The following MICOS13 variants were observed in gnomAD, a reference collection of about 807,000 sequenced individuals.
The protein encoded by MICOS13 is MICOS complex subunit MIC13.
Under a neutral mutation model 16.1 loss-of-function variants are expected in MICOS13, and 15 were observed. The ratio of observed to expected loss-of-function variants is 0.93; its 90% CI spans 0.62 to 1.44. MICOS13 has a LOEUF of 1.44. Ranked by LOEUF, MICOS13 falls within the 40% of genes most tolerant of loss-of-function variation. The probability of loss-of-function intolerance (pLI) is 0.00; values close to 1 mark genes in which losing one functional copy is unlikely to be tolerated. For synonymous variants in MICOS13, 61 were observed against 62.6 expected (o/e 0.97, Z 0.12); for missense variants, 164 against 155.0 (o/e 1.06, Z -0.31).
At position 5,679,705 on chromosome 19, in the gene MICOS13, G is replaced by GCTC; in HGVS notation, c.85_87dup (p.Glu29dup). The GCTC allele has an allele frequency of 1.9e-6, 3 of 1,609,894 alleles. No individual in the cohort carries two copies. The highest frequency in any genetic ancestry group is 2.5e-6 in the Non-Finnish European group (3 of 1,179,188). ...TGGCTCTTGTCGCTGGGCCCCAGCA[G>GCTC]CTCCTGGTCGTACACCAGGTAGACG... On this transcript the variant is annotated inframe_insertion, in exon 2 of 4. Coordinates refer to ENST00000309324, the MANE Select transcript of MICOS13 (RefSeq NM_205767.3).
At chr19:5,678,713 G>A in intron 3 of MICOS13, 65 bp from the exon 4 acceptor site, 1 of 980,408 alleles carries the variant, frequency 1.0e-6, no homozygotes. Context: ...CCAACCCCTG[G>A]GAAACTCTAG....
At chr19:5,678,743 G>A (rs2054476794) in intron 3 of MICOS13, 95 bp from the exon 4 acceptor site, 2 of 649,762 alleles carry the variant, frequency 3.1e-6, no homozygotes, top group African/African-American at 1.9e-5. Context: ...TGGGCGGTGG[G>A]GGGTGGGTGG....
intron 1 of MICOS13, 92 bp downstream of exon 1, chr19:5,680,366 C>A (rs777676376): frequency 1.6e-5 from 25 of 1,603,916 alleles, no homozygotes; most frequent in Admixed American, 5.0e-5. Context: ...CTAAGGGAAG[C>A]GAAGAGCAGA....
intron 1 of MICOS13, chr19:5,680,250 G>A (rs2054509384): frequency 6.4e-7 from 1 of 1,567,966 alleles, no homozygotes; most frequent in Admixed American, 1.9e-5. Flanking sequence ...CCAAGGGCTC[G>A]CTGGGAAGCA....
rs761427092 is a variant in MICOS13 at position 5,679,276 on chromosome 19, T to C, written c.259+69A>G. On this transcript the variant is annotated intron_variant, in intron 3 of 3. Transcript: ENST00000309324. ...AGGAAGGAGGATGGACAGAAAGGAA[T>C]GGCCAGGAAGTGGGGAGAGGGGCTA... 5.4e-6 allele frequency: 8 copies of C among 1,470,348 alleles called. No homozygotes were observed. The East Asian group carries it at 1.1e-4, about 21-fold the overall frequency. 91.1% of individuals were successfully genotyped at this position (1,470,348 alleles called of 1,614,324 possible).
At chr19:5,680,176 A>C in intron 1 of MICOS13, 1 of 1,536,820 alleles carries the variant, frequency 6.5e-7, no homozygotes, top group Non-Finnish European at 8.7e-7. Flanking sequence ...ATTCACCGGC[A>C]TTCCCACCTC....
At chr19:5,679,443 G>A (rs2054490999) in intron 2 of MICOS13, 47 bp from the exon 3 acceptor site, 1 of 1,602,114 alleles carries the variant, frequency 6.2e-7, no homozygotes, top group Admixed American at 1.7e-5. Flanking sequence ...AGGCTCAGCA[G>A]CCCATCCCCA....
rs1289474529 is a variant in MICOS13 at position 5,679,347 on chromosome 19, G to T, written c.257C>A (p.Ala86Glu). ...IYFPIRDSWNAGIMTVMSALS... is the reference protein window; with the variant it reads ...IYFPIRDSWNEGIMTVMSALS... ...AGCAAAGAAACTGGGTGCCTTACCTGCATTCCAGGAGTCACGGATGGGAAA... is the reference window on the plus strand; with the variant it reads ...AGCAAAGAAACTGGGTGCCTTACCTTCATTCCAGGAGTCACGGATGGGAAA... Residue 86 changes from alanine to glutamate, a missense_variant and splice_region_variant, in exon 3 of 4, where the codon GCA (alanine) becomes GAA (glutamate). Ala to Glu is a moderately radical substitution (Grantham distance 107, BLOSUM62 -1). Transcript: ENST00000309324. 1.9e-6 allele frequency: 3 copies of T among 1,613,168 alleles called. No individual in the cohort carries two copies. Among genetic ancestry groups the T allele is most frequent in the Non-Finnish European group, 2.5e-6 (3 of 1,179,586 alleles).
At position 5,679,702 on chromosome 19, in the gene MICOS13, G is replaced by A. The variant is rs1428020258; in HGVS notation, c.91C>T (p.Leu31=). 2 of 1,609,890 alleles carry A rather than the reference G, an allele frequency of 1.2e-6. No homozygotes were observed. The highest frequency in any genetic ancestry group is 1.3e-5 in the African/African-American group (1 of 74,796). ...AVYLVYDQEL[L]GPSDKSQAAL... ...GCCTGGCTCTTGTCGCTGGGCCCCA[G>A]CAGCTCCTGGTCGTACACCAGGTAG... is the stretch of plus-strand genomic sequence containing the variant. The change falls in exon 2 of 4, where the codon CTG becomes TTG. Residue 31 remains leucine, a synonymous_variant. Coordinates refer to ENST00000309324, the MANE Select transcript of MICOS13 (RefSeq NM_205767.3).
chr19:5,680,434 G>C, intron 1 of MICOS13, 24 bp downstream of exon 1: 1 of 1,613,144 alleles, frequency 6.2e-7, no homozygotes, highest in Non-Finnish European at 8.5e-7. Flanking sequence ...GGGGACTCGG[G>C]TCCCCTCCGG....
chr19:5,679,109 A>G (rs1341649332), intron 3 of MICOS13: 1 of 503,442 alleles, frequency 2.0e-6, no homozygotes, highest in East Asian at 3.6e-5. Context: ...ATGGGGTTTC[A>G]CCATGTTGCC....
chr19:5,679,126 G>C, intron 3 of MICOS13: 1 of 539,312 alleles, frequency 1.9e-6, no homozygotes. Context: ...TGCCCAGGCT[G>C]GTCTCGAACT....
intron 3 of MICOS13, 97 bp downstream of exon 3, chr19:5,679,248 G>A: frequency 7.7e-7 from 1 of 1,300,572 alleles, no homozygotes; most frequent in East Asian, 2.4e-5. Flanking sequence ...ACACGTGTCG[G>A]GCAGGAAGGA....
chr19:5,679,975 T>C, intron 1 of MICOS13: 1 of 1,457,788 alleles, frequency 6.9e-7, no homozygotes, highest in Admixed American at 2.7e-5. Context: ...CTTGAACTGA[T>C]GAACTGAAAC....
intron 2 of MICOS13, 89 bp downstream of exon 2, chr19:5,679,497 A>T: frequency 1.3e-6 from 2 of 1,592,556 alleles, no homozygotes; most frequent in South Asian, 1.1e-5. Flanking sequence ...GGTCAGCATC[A>T]ATATGGAGGA....
Position 5,678,477 on chromosome 19 carries a change from G to T in MICOS13, c.*74C>A. 2 of 1,369,386 alleles carry T rather than the reference G, an allele frequency of 1.5e-6. No individual in the cohort carries two copies. The highest frequency in any genetic ancestry group is 2.0e-6 in the Non-Finnish European group (2 of 993,596). The allele number at this position is 1,369,386 out of a possible 1,614,324, so 84.8% of individuals were successfully genotyped here. A position where few individuals can be genotyped will look rare whatever the true frequency, so the allele number is the denominator to read the frequency against. ...GGCCGGGAGCTGCCCTCGGAGTGGGGTCCCAGTCCGGAGTCTTCAGGTCAG... is the reference window on the plus strand; with the variant it reads ...GGCCGGGAGCTGCCCTCGGAGTGGGTTCCCAGTCCGGAGTCTTCAGGTCAG... On this transcript the variant is annotated 3_prime_UTR_variant, in exon 4 of 4. Transcript: ENST00000309324.
intron 1 of MICOS13, chr19:5,680,102 C>T (rs1451050122): frequency 6.5e-7 from 1 of 1,535,764 alleles, no homozygotes; most frequent in Admixed American, 2.0e-5. Flanking sequence ...CCCTGGGCGC[C>T]TCCTGCCCGC....
At chr19:5,679,085 T>C in intron 3 of MICOS13, 1 of 455,690 alleles carries the variant, frequency 2.2e-6, no homozygotes. Context: ...TTAATTTTTG[T>C]ATTTTTAGTA....
chr19:5,679,865 G>T, intron 1 of MICOS13, 102 bp from the exon 2 acceptor site: 1 of 1,427,780 alleles, frequency 7.0e-7, no homozygotes. Flanking sequence ...AGGGCTCACC[G>T]TCCACAGGGT....
Sources: gnomAD v4.1 joint callset for allele counts on GRCh38, gnomAD v4.1.1 for gene constraint, MANE v1.5 for transcripts, NCBI Gene and HGNC (gene_info 2026-07-23, HGNC 2026-07-21) for gene names.